The following RBM8A variants were observed in gnomAD, a reference collection of about 807,000 sequenced individuals.
RBM8A encodes the protein RNA-binding protein 8A.
In RBM8A, 8 loss-of-function variants were observed where a neutral mutation model predicts 25.1. That is an observed-to-expected ratio of 0.32 (90% CI 0.19 to 0.58). The LOEUF is 0.58. RBM8A is among the 20% of genes least tolerant of loss of function. The pLI, the probability that RBM8A is intolerant of heterozygous loss-of-function variation, is 0.88. For missense variants in RBM8A, 114 were observed against 236.8 expected, an observed-to-expected ratio of 0.48 and a Z score of 3.40; for synonymous variants, 66 against 80.0, an observed-to-expected ratio of 0.82 and a Z score of 0.94.
intron 3 of RBM8A, 44 bp from the exon 4 acceptor site, chr1:145,926,662 CTT>C: frequency 6.2e-7 from 1 of 1,612,964 alleles, no homozygotes; most frequent in Non-Finnish European, 8.5e-7. Flanking sequence ...ATGAGAGACA[CTT>C]TAAGCAGGCT....
At position 145,925,654 on chromosome 1, in the gene RBM8A, A is replaced by G; in HGVS notation, c.*228T>C. On this transcript the variant is annotated 3_prime_UTR_variant, in exon 6 of 6. Coordinates refer to ENST00000583313, the MANE Select transcript of RBM8A (RefSeq NM_005105.5). ...GAGTTCAGTCCCTAGAAGTATCTTC[A>G]CAATGATCCATACAGCCTTGCTATG... 1 of 560,098 alleles carries G rather than the reference A, an allele frequency of 1.8e-6. No individual in the cohort carries two copies. The highest frequency in any genetic ancestry group is 3.2e-6 in the Non-Finnish European group (1 of 313,590). The allele number at this position is 560,098 out of a possible 1,614,324, so 34.7% of individuals were successfully genotyped here. A position where few individuals can be genotyped will look rare whatever the true frequency, so the allele number is the denominator to read the frequency against.
rs1647904018 is a variant in RBM8A at position 145,923,271 on chromosome 1, C to T, written c.*2611G>A. 6.6e-6 allele frequency: 1 copy of T among 150,774 alleles called. No individual in the cohort carries two copies. The highest frequency in any genetic ancestry group is 6.6e-5 in the Admixed American group (1 of 15,114). The allele number at this position is 150,774 out of a possible 1,614,324, so 9.3% of individuals were successfully genotyped here. A position where few individuals can be genotyped will look rare whatever the true frequency, so the allele number is the denominator to read the frequency against. On this transcript the variant is annotated 3_prime_UTR_variant, in exon 6 of 6. Transcript: ENST00000583313. ...TACTCCTCACAATTCTCAAGCACTT[C>T]TTAGGCAGAGCACAAAAACAAAAAC...
At position 145,925,318 on chromosome 1, in the gene RBM8A, T is replaced by C. The variant is rs1367937151; in HGVS notation, c.*564A>G. 6.0e-5 allele frequency: 19 copies of C among 319,062 alleles called. 1 individual carries two copies. Among genetic ancestry groups the C allele is most frequent in the Non-Finnish European group, 9.8e-5 (16 of 162,592 alleles). The allele number at this position is 319,062 out of a possible 1,614,324, so 19.8% of individuals were successfully genotyped here. A position where few individuals can be genotyped will look rare whatever the true frequency, so the allele number is the denominator to read the frequency against. ...CTCACTTCTACTCCTGCTCTCCTAGTTCCCCCCAAAAAAGAAATACTGACC... is the reference window on the plus strand; with the variant it reads ...CTCACTTCTACTCCTGCTCTCCTAGCTCCCCCCAAAAAAGAAATACTGACC... On this transcript the variant is annotated 3_prime_UTR_variant, in exon 6 of 6. Coordinates refer to ENST00000583313, the MANE Select transcript of RBM8A (RefSeq NM_005105.5).
chr1:145,925,627 TAG>T lies in RBM8A; in HGVS notation c.*253_*254del, dbSNP rs1553755715. 1.4e-4 allele frequency: 68 copies of T among 483,926 alleles called. No homozygotes were observed. Among genetic ancestry groups the T allele is most frequent in the Non-Finnish European group, 2.1e-4 (57 of 268,392 alleles). 30.0% of individuals were successfully genotyped at this position (483,926 alleles called of 1,614,324 possible). A position where few individuals can be genotyped will look rare whatever the true frequency, so the allele number is the denominator to read the frequency against. ...AAAAAAAAGAAAAAAAAGAAATACA[TAG>T]AGTTCAGTCCCTAGAAGTATCTTCA... On this transcript the variant is annotated 3_prime_UTR_variant, in exon 6 of 6. Transcript: ENST00000583313.
chr1:145,927,475 T>A lies in RBM8A; in HGVS notation c.-49A>T. The A allele has an allele frequency of 6.3e-7, 1 of 1,579,338 alleles. No individual in the cohort carries two copies. Among genetic ancestry groups the A allele is most frequent in the Non-Finnish European group, 8.6e-7 (1 of 1,158,514 alleles). On this transcript the variant is annotated 5_prime_UTR_variant, in exon 1 of 6. Transcript: ENST00000583313. Reference sequence around the variant, plus strand: ...CTGTGCCGCTCAGACACTAGGTACCTCGGGAAACTGTCGCAGAGGGGAAAG... The same window carrying A: ...CTGTGCCGCTCAGACACTAGGTACCACGGGAAACTGTCGCAGAGGGGAAAG...
At chr1:145,926,698 C>G in intron 3 of RBM8A, 80 bp from the exon 4 acceptor site, 1 of 1,612,666 alleles carries the variant, frequency 6.2e-7, no homozygotes, top group African/African-American at 1.3e-5. Flanking sequence ...TGAGTGCGGA[C>G]TCAGATTGTT....
chr1:145,926,212 C>T, intron 4 of RBM8A, 35 bp from the exon 5 acceptor site: 1 of 1,607,300 alleles, frequency 6.2e-7, no homozygotes, highest in Non-Finnish European at 8.5e-7. Flanking sequence ...TGAAAACCCT[C>T]CTATTTCCCC....
Position 145,924,172 on chromosome 1 carries a change from G to A in RBM8A, c.*1710C>T, listed in dbSNP as rs71664096. On this transcript the variant is annotated 3_prime_UTR_variant, in exon 6 of 6. Transcript: ENST00000583313. ...CACTCCAGCTGTTCCTGTTCCACAC[G>A]GTCCACTGAGCTGGCCCAGTCCCTT... 1,766 of 701,830 alleles carry A rather than the reference G, an allele frequency of 2.5e-3. 13 individuals carry two copies. The highest frequency in any genetic ancestry group is 0.019 in the African/African-American group (1,082 of 57,054). The allele number at this position is 701,830 out of a possible 1,614,324, so 43.5% of individuals were successfully genotyped here.
In RBM8A at chr1:145,924,341, C is replaced by A; in HGVS notation, c.*1541G>T. ...CCGCATTGTCCTCAGTGTGTCCAGG[C>A]CCCAGACAAGGAAGGGGAGCCATGG... On this transcript the variant is annotated 3_prime_UTR_variant, in exon 6 of 6. Coordinates refer to ENST00000583313, the MANE Select transcript of RBM8A (RefSeq NM_005105.5). 2.0e-6 allele frequency: 1 copy of A among 498,438 alleles called. No individual in the cohort carries two copies. Among genetic ancestry groups the A allele is most frequent in the Non-Finnish European group, 4.1e-6 (1 of 245,916 alleles). 30.9% of individuals were successfully genotyped at this position (498,438 alleles called of 1,614,324 possible).
chr1:145,927,178 C>T, intron 1 of RBM8A, 101 bp from the exon 2 acceptor site: 2 of 1,514,486 alleles, frequency 1.3e-6, no homozygotes, highest in South Asian at 2.3e-5. Flanking sequence ...ACACCGCCTC[C>T]AGTCTTAGTG....
chr1:145,926,915 A>C lies in RBM8A; in HGVS notation c.128-29T>G, dbSNP rs1467265982. 1.9e-6 allele frequency: 3 copies of C among 1,613,780 alleles called. No homozygotes were observed. The African/African-American group carries it at 4.0e-5, about 22-fold the overall frequency. ...TAAGGGACATACACGAGATCACCGA[A>C]AACTCCTCCTTTCTCCCATTGTTCC... On this transcript the variant is annotated intron_variant, in intron 2 of 5. Transcript: ENST00000583313.
rs782585358 is a variant in RBM8A at position 145,926,046 on chromosome 1, C to T, written c.474G>A (p.Lys158=). Residue 158 remains lysine (K), a synonymous_variant, in exon 5 of 6, where the codon AAG becomes AAA. Coordinates refer to ENST00000583313, the MANE Select transcript of RBM8A (RefSeq NM_005105.5). ...ATTTGCCCTCTTCATTTTACCTCCT[C>T]TTGCCTTTTGGTGGACCCCGAACAA... ...WCFVRGPPKG[K]RRGGRRRSRS... 5 of 1,614,268 alleles carry T rather than the reference C, an allele frequency of 3.1e-6. No homozygotes were observed. Among genetic ancestry groups the T allele is most frequent in the Non-Finnish European group, 4.2e-6 (5 of 1,180,052 alleles).
rs782715275 is a variant in RBM8A at position 145,926,889 on chromosome 1, A to G, written c.128-3T>C. On this transcript the variant is annotated splice_region_variant and splice_polypyrimidine_tract_variant and intron_variant, in intron 2 of 5. Coordinates refer to ENST00000583313, the MANE Select transcript of RBM8A (RefSeq NM_005105.5). ...CATCCGCGCTCGGGACCCCTCTTCTATAAGGGACATACACGAGATCACCGA... is the reference window on the plus strand; with the variant it reads ...CATCCGCGCTCGGGACCCCTCTTCTGTAAGGGACATACACGAGATCACCGA... 1.9e-5 allele frequency: 30 copies of G among 1,613,670 alleles called. No individual in the cohort carries two copies. Among genetic ancestry groups the G allele is most frequent in the Admixed American group, 1.7e-5 (1 of 59,952 alleles).
In RBM8A at chr1:145,923,410, A is replaced by T. The variant is rs1434428450; in HGVS notation, c.*2472T>A. 1.3e-5 allele frequency: 2 copies of T among 153,582 alleles called. No individual in the cohort carries two copies. Among genetic ancestry groups the T allele is most frequent in the East Asian group, 3.7e-4 (2 of 5,444 alleles). 9.5% of individuals were successfully genotyped at this position (153,582 alleles called of 1,614,324 possible). On this transcript the variant is annotated 3_prime_UTR_variant, in exon 6 of 6. Coordinates refer to ENST00000583313, the MANE Select transcript of RBM8A (RefSeq NM_005105.5). Reference sequence around the variant, plus strand: ...TCCAAACAGTTCACAAAATTCTCTTAGGCTGAAACTATTCATCTTTCCTAA... The same window carrying T: ...TCCAAACAGTTCACAAAATTCTCTTTGGCTGAAACTATTCATCTTTCCTAA...
rs782372990 is a variant in RBM8A, at chr1:145,926,024, T to G, written c.479+17A>C. On this transcript the variant is annotated intron_variant, in intron 5 of 5. Coordinates refer to ENST00000583313, the MANE Select transcript of RBM8A (RefSeq NM_005105.5). ...GTATTCCCTTCACCCAGACAGTATT[T>G]GCCCTCTTCATTTTACCTCCTCTTG... 5 of 1,614,118 alleles carry G rather than the reference T, an allele frequency of 3.1e-6. No homozygotes were observed. In the East Asian group the frequency reaches 1.1e-4, roughly 36 times the overall value.
Position 145,925,742 on chromosome 1 carries a change from A to G in RBM8A, c.*140T>C. 1 of 967,420 alleles carries G rather than the reference A, an allele frequency of 1.0e-6. No individual in the cohort carries two copies. Among genetic ancestry groups the G allele is most frequent in the East Asian group, 2.6e-5 (1 of 38,866 alleles). 59.9% of individuals were successfully genotyped at this position (967,420 alleles called of 1,614,324 possible). ...TAAATGTAGAAAACAAAAATGGAACATTTATTCGCAACTCAAATACTACGC... is the reference window on the plus strand; with the variant it reads ...TAAATGTAGAAAACAAAAATGGAACGTTTATTCGCAACTCAAATACTACGC... On this transcript the variant is annotated 3_prime_UTR_variant, in exon 6 of 6. Transcript: ENST00000583313.
In RBM8A at chr1:145,927,483, C is replaced by G; in HGVS notation, c.-57G>C. On this transcript the variant is annotated 5_prime_UTR_variant, in exon 1 of 6. Coordinates refer to ENST00000583313, the MANE Select transcript of RBM8A (RefSeq NM_005105.5). ...CTCAGACACTAGGTACCTCGGGAAACTGTCGCAGAGGGGAAAGGTCGCCAG... is the reference window on the plus strand; with the variant it reads ...CTCAGACACTAGGTACCTCGGGAAAGTGTCGCAGAGGGGAAAGGTCGCCAG... The G allele has an allele frequency of 2.6e-6, 4 of 1,567,736 alleles. No homozygotes were observed. In the East Asian group the frequency reaches 9.1e-5, roughly 36 times the overall value.
rs1553755768 is a variant in RBM8A, at chr1:145,925,924, A to G, written c.483T>C (p.Gly161=). ...CTGGACTTCTGCTGCGTCTTCGGCC[A>G]CCTCTAGGGAAAAAGAAGCAGGGAG... The part of the protein sequence containing the change: ...VRGPPKGKRR[G]GRRRSRSPDR... The change falls in exon 6 of 6, where the codon GGT becomes GGC. Residue 161 remains glycine (G), a synonymous_variant. Transcript: ENST00000583313. 4 of 1,614,170 alleles carry G rather than the reference A, an allele frequency of 2.5e-6. No homozygotes were observed. The highest frequency in any genetic ancestry group is 3.4e-6 in the Non-Finnish European group (4 of 1,180,024).
intron 4 of RBM8A, 105 bp from the exon 5 acceptor site, chr1:145,926,282 A>G (rs1248049958): frequency 4.0e-6 from 6 of 1,502,544 alleles, no homozygotes; most frequent in Admixed American, 1.8e-5. Context: ...CACACTTTAA[A>G]CAATGAATGT....
Sources: allele counts gnomAD v4.1 joint callset, GRCh38; gene constraint gnomAD v4.1.1; transcripts MANE v1.5; gene names NCBI Gene and HGNC (gene_info 2026-07-23, HGNC 2026-07-21).